IQCM: variants seen among roughly 807,000 people sequenced by gnomAD.
IQCM encodes IQ domain-containing protein M.
A neutral mutation model predicts 57.6 loss-of-function variants in IQCM; 45 were observed. That is an observed-to-expected ratio of 0.78 (90% CI 0.62 to 1.00). The LOEUF (loss-of-function observed/expected upper bound fraction) is 1.00. Among genes scored for constraint, IQCM ranks in the 50% least tolerant of loss-of-function variants. IQCM has a pLI of 0.00. For missense variants in IQCM, 468 were observed against 511.6 expected, an observed-to-expected ratio of 0.91 and a Z score of 0.82; for synonymous variants, 148 against 158.9, an observed-to-expected ratio of 0.93 and a Z score of 0.51.
At chr4:149,780,415 C>T (rs2150007419) in intron 2 of IQCM, 1 of 152,016 alleles carries the variant, frequency 6.6e-6, no homozygotes, top group East Asian at 1.9e-4. Context: ...AATACACTGG[C>T]CAAAAGTGAC....
intron 13 of IQCM, among the ~76,000 whole-genome samples, chr4:149,405,587 C>T (rs1732920529): frequency 6.6e-6 from 1 of 151,252 alleles, no homozygotes; most frequent in Non-Finnish European, 1.5e-5. Flanking sequence ...AATAGCTGAC[C>T]CTCAAAGACT....
At chr4:149,669,203 T>A (rs548634977) in intron 7 of IQCM, among the ~76,000 whole-genome samples, 1 of 152,270 alleles carries the variant, frequency 6.6e-6, no homozygotes, top group South Asian at 2.1e-4. Flanking sequence ...CTCGTTGTGG[T>A]TTTGATTTGC....
chr4:149,732,314 C>A (rs976096147), intron 5 of IQCM, among the ~76,000 whole-genome samples: 5 of 152,090 alleles, frequency 3.3e-5, no homozygotes, highest in African/African-American at 9.7e-5. Context: ...TTTGTTCCTG[C>A]GACTCAGAAT....
intron 11 of IQCM, among the ~76,000 whole-genome samples, chr4:149,551,876 CCTCTCT>C (rs34352840): frequency 6.6e-6 from 1 of 150,494 alleles, no homozygotes; most frequent in Non-Finnish European, 1.5e-5. Flanking sequence ...TCTATCACTG[CCTCTCT>C]CTCTCTCTCT....
At chr4:149,545,960 C>A (rs1338979497) in intron 12 of IQCM, among the ~76,000 whole-genome samples, 1 of 152,044 alleles carries the variant, frequency 6.6e-6, no homozygotes. Context: ...TAATGCTATT[C>A]CTCCCCACTC....
At chr4:149,752,018 T>A (rs553216336) in intron 2 of IQCM, among the ~76,000 whole-genome samples, 34 of 152,224 alleles carry the variant, frequency 2.2e-4, no homozygotes, top group African/African-American at 7.7e-4. Flanking sequence ...CTGTAAAGAA[T>A]TAAAACAGAA....
chr4:149,504,467 C>T (rs1337928705), intron 12 of IQCM, among the ~76,000 whole-genome samples: 3 of 152,062 alleles, frequency 2.0e-5, no homozygotes, highest in African/African-American at 7.2e-5. Context: ...CCAATCCCCA[C>T]CGCCCAGCCC....
intron 12 of IQCM, among the ~76,000 whole-genome samples, chr4:149,526,406 A>G (rs1222149159): frequency 6.6e-6 from 1 of 152,080 alleles, no homozygotes; most frequent in Non-Finnish European, 1.5e-5. Context: ...ATGCATATAT[A>G]AGCAAGAAGA....
Position 149,621,164 on chromosome 4 carries a change from A to T in IQCM, c.646T>A (p.Ser216Thr), listed in dbSNP as rs1346798680. 2.4e-6 allele frequency: 3 copies of T among 1,231,274 alleles called. No individual in the cohort carries two copies. Among genetic ancestry groups the T allele is most frequent in the Non-Finnish European group, 3.0e-6 (3 of 987,286 alleles). The allele number at this position is 1,231,274 out of a possible 1,614,324, so 76.3% of individuals were successfully genotyped here. ...LACDSRRVSF[S>T]QSSSIFRDYY... Reference sequence around the variant, plus strand: ...TCCCGAAATATTGATGATGATTGAGAGAAACTAACTCGACGGGAGTCACAA... The same window carrying T: ...TCCCGAAATATTGATGATGATTGAGTGAAACTAACTCGACGGGAGTCACAA... The change falls in exon 8 of 14, where the codon TCT becomes ACT. Residue 216 changes from serine (S) to threonine (T), a missense_variant. Physicochemically the swap from Ser to Thr is moderately conservative, Grantham distance 58. Transcript: ENST00000636793.
intron 2 of IQCM, among the ~76,000 whole-genome samples, chr4:149,756,580 A>T (rs975954297): frequency 2.6e-5 from 4 of 152,232 alleles, no homozygotes; most frequent in African/African-American, 9.6e-5. Context: ...GAACACAAGA[A>T]AAAACAAGTA....
intron 2 of IQCM, among the ~76,000 whole-genome samples, chr4:149,753,712 C>G (rs1768686137): frequency 6.7e-6 from 1 of 148,426 alleles, no homozygotes; most frequent in African/African-American, 2.5e-5. Context: ...CCCATGTACC[C>G]TAGAACTTAA....
intron 8 of IQCM, among the ~76,000 whole-genome samples, chr4:149,592,657 G>T (rs962051433): frequency 7.0e-6 from 1 of 143,822 alleles, no homozygotes; most frequent in African/African-American, 2.4e-5. Context: ...AAGGGATCCA[G>T]TTTCAGCTTT....
chr4:149,589,619 C>T (rs1752942641), intron 8 of IQCM, among the ~76,000 whole-genome samples: 2 of 151,942 alleles, frequency 1.3e-5, no homozygotes, highest in Non-Finnish European at 1.5e-5. Context: ...CATTTCATGG[C>T]ATTCATTTCT....
intron 13 of IQCM, among the ~76,000 whole-genome samples, chr4:149,363,835 A>G (rs1190153452): frequency 1.3e-5 from 2 of 152,216 alleles, no homozygotes; most frequent in Non-Finnish European, 2.9e-5. Context: ...CTGGCATTCC[A>G]TATATTCACT....
rs554138734 is a variant in IQCM at position 149,381,982 on chromosome 4, C to A, written c.1391-29916G>T. 3.3e-5 allele frequency among the ~76,000 whole-genome samples: 5 copies of A among 152,204 alleles called. No individual in the cohort carries two copies. In the South Asian group the frequency reaches 1.0e-3, roughly 32 times the overall value. ...AGAGATGGGGTTTCACCCTGTTGGT[C>A]TCGAACTTCTGACCTCATGTGATCC... On this transcript the variant is annotated intron_variant, in intron 13 of 13. Coordinates refer to ENST00000636793, the MANE Select transcript of IQCM (RefSeq NM_001363507.2).
intron 2 of IQCM, among the ~76,000 whole-genome samples, chr4:149,811,553 A>C (rs1774566559): frequency 6.6e-6 from 1 of 152,126 alleles, no homozygotes; most frequent in South Asian, 2.1e-4. Flanking sequence ...CAATATGTCA[A>C]AGTTTATCTT....
intron 5 of IQCM, among the ~76,000 whole-genome samples, chr4:149,703,040 G>A (rs1194843762): frequency 6.6e-6 from 1 of 151,826 alleles, no homozygotes; most frequent in East Asian, 1.9e-4. Flanking sequence ...TGATCAAGAC[G>A]GTATACTAAC....
intron 2 of IQCM, among the ~76,000 whole-genome samples, chr4:149,769,682 T>TA (rs969298131): frequency 3.2e-4 from 48 of 151,054 alleles, no homozygotes; most frequent in African/African-American, 7.8e-4. Flanking sequence ...TTGCCAGGGA[T>TA]AAAAAAAAAC....
At chr4:149,743,257 T>C (rs187234220) in intron 2 of IQCM, among the ~76,000 whole-genome samples, 31 of 152,200 alleles carry the variant, frequency 2.0e-4, no homozygotes, top group African/African-American at 6.7e-4. Flanking sequence ...TGCCTTGACC[T>C]CTCATCTATA....
Sources: gnomAD v4.1 joint callset for allele counts (sites outside exome capture counted in the v4.1 genomes callset) on GRCh38, gnomAD v4.1.1 for gene constraint, MANE v1.5 for transcripts, NCBI Gene and HGNC (gene_info 2026-07-23, HGNC 2026-07-21) for gene names.